LYST: variants seen among roughly 807,000 people sequenced by gnomAD.
LYST encodes lysosomal trafficking regulator.
A neutral mutation model predicts 413.6 loss-of-function variants in LYST; 192 were observed. The observed-to-expected ratio is 0.46, with a 90% CI of 0.41 to 0.52. The LOEUF is 0.52. Ranked by LOEUF, LYST falls within the 20% of genes least tolerant of loss-of-function variation. The pLI is 0.00. For missense variants in LYST, 3,815 were observed against 4,499.9 expected (o/e 0.85, Z 4.35); for synonymous variants, 1,525 against 1,567.3 (o/e 0.97, Z 0.64).
At chr1:235,693,526 G>T (rs778686375) in intron 46 of LYST, 40 bp from the exon 47 acceptor site, 103 of 1,612,562 alleles carry the variant, frequency 6.4e-5, no homozygotes, top group Non-Finnish European at 8.5e-5. Flanking sequence ...GATTGTCACT[G>T]CTCGACTGTT....
At chr1:235,688,751 G>A (rs1316630018) in intron 47 of LYST, among the ~76,000 whole-genome samples, 1 of 151,980 alleles carries the variant, frequency 6.6e-6, no homozygotes, top group African/African-American at 2.4e-5. Context: ...TTGGGAGGCC[G>A]AGGCGGGCGG....
At chr1:235,741,778 T>G in intron 30 of LYST, 150 bp from the exon 31 acceptor site, 1 of 679,386 alleles carries the variant, frequency 1.5e-6, no homozygotes, top group Non-Finnish European at 2.6e-6. Context: ...TACATATCCA[T>G]ACACATAGGA....
chr1:235,738,846 G>A, intron 31 of LYST: 1 of 773,480 alleles, frequency 1.3e-6, no homozygotes, highest in Non-Finnish European at 2.4e-6. Context: ...AATAAAGGAT[G>A]ATGTCTTCCT....
rs1658301899 is a variant in LYST at position 235,664,858 on chromosome 1, G to A, written c.11039-237C>T. ...GTCGCCCAGGCTGGAGTGCAGTGGTGTGATCTTGGCTCACTGTAACTGCCT... is the reference window on the plus strand; with the variant it reads ...GTCGCCCAGGCTGGAGTGCAGTGGTATGATCTTGGCTCACTGTAACTGCCT... On this transcript the variant is annotated intron_variant, in intron 50 of 52. Transcript: ENST00000389793. This position sits in a 1 kb window ranked among gnomAD's most constrained non-coding sequence, Gnocchi z 4.5. Among the ~76,000 whole-genome samples the A allele has an allele frequency of 6.6e-6, 1 of 152,196 alleles. No individual in the cohort carries two copies. The highest frequency in any genetic ancestry group is 6.5e-5 in the Admixed American group (1 of 15,278).
chr1:235,831,530 C>T (rs532009617), intron 2 of LYST, among the ~76,000 whole-genome samples: 5 of 152,172 alleles, frequency 3.3e-5, no homozygotes, highest in South Asian at 2.1e-4. Context: ...AATGAACCAA[C>T]GGGATACAAA....
intron 14 of LYST, among the ~76,000 whole-genome samples, chr1:235,783,226 C>T (rs1457455503): frequency 3.3e-5 from 5 of 151,618 alleles, no homozygotes; most frequent in Non-Finnish European, 5.9e-5. Flanking sequence ...AAAAGTTTTG[C>T]CTAAGGCTCT....
At chr1:235,683,686 G>C (rs979834351) in intron 48 of LYST, among the ~76,000 whole-genome samples, 1 of 152,144 alleles carries the variant, frequency 6.6e-6, no homozygotes, top group East Asian at 1.9e-4. Flanking sequence ...CTTGGTTGGG[G>C]GGCCCATCTT....
At chr1:235,680,995 T>C (rs1213262437) in intron 48 of LYST, among the ~76,000 whole-genome samples, 1 of 152,200 alleles carries the variant, frequency 6.6e-6, no homozygotes, top group Non-Finnish European at 1.5e-5. Flanking sequence ...TCCCCTACTG[T>C]GTGCCTGTCA....
intron 14 of LYST, among the ~76,000 whole-genome samples, chr1:235,783,393 A>G (rs965360302): frequency 1.3e-5 from 2 of 152,108 alleles, no homozygotes; most frequent in Non-Finnish European, 2.9e-5. Flanking sequence ...GACTTAAAAT[A>G]GTTTTAAATT....
chr1:235,741,538 G>A lies in LYST; in HGVS notation c.8242C>T (p.Leu2748=). The part of the protein sequence containing the change: ...ETFRMQLGRL[L]VHILSPAHAA... ...TGGGCTGGCGACAAAATATGCACTA[G>A]TAGTCTCCCAAGCTGCATTCGGAAG... is the stretch of plus-strand genomic sequence containing the variant. The change falls in exon 31 of 53, where the codon CTA becomes TTA. Residue 2748 remains leucine (L), a synonymous_variant. Coordinates refer to ENST00000389793, the MANE Select transcript of LYST (RefSeq NM_000081.4). 1.2e-6 allele frequency: 2 copies of A among 1,613,918 alleles called. No homozygotes were observed. The highest frequency in any genetic ancestry group is 1.7e-6 in the Non-Finnish European group (2 of 1,179,856).
chr1:235,730,217 T>C (rs954546190), intron 36 of LYST, among the ~76,000 whole-genome samples: 13 of 151,998 alleles, frequency 8.6e-5, no homozygotes, highest in Non-Finnish European at 1.9e-4. Context: ...ATGGGTATAA[T>C]AACAACCACA....
At chr1:235,744,195 C>T (rs529847075) in intron 29 of LYST, 38 bp from the exon 30 acceptor site, 1 of 1,089,704 alleles carries the variant, frequency 9.2e-7, no homozygotes, top group Non-Finnish European at 1.4e-6. Flanking sequence ...TTAGTCATAT[C>T]ACTGCTATCT....
chr1:235,672,623 A>C (rs1659036610), intron 50 of LYST, among the ~76,000 whole-genome samples: 1 of 152,208 alleles, frequency 6.6e-6, no homozygotes, highest in Non-Finnish European at 1.5e-5. Context: ...TTAGTTCTTA[A>C]GATCATGTAG....
rs760879892 is a variant in LYST, at chr1:235,664,094, A to G, written c.11196-39T>C. On this transcript the variant is annotated intron_variant, in intron 51 of 52. Coordinates refer to ENST00000389793, the MANE Select transcript of LYST (RefSeq NM_000081.4). This position sits in a 1 kb window ranked among gnomAD's most constrained non-coding sequence, Gnocchi z 4.5. The stretch of plus-strand genomic sequence containing the variant: ...AAATCATCTAATTATGCAAACTAAA[A>G]TTACTCTCCCTAAAAAGCCCTCTAT... The G allele has an allele frequency of 2.1e-6, 3 of 1,434,120 alleles. No individual in the cohort carries two copies. In the Admixed American group the frequency reaches 5.0e-5, roughly 24 times the overall value. The allele number at this position is 1,434,120 out of a possible 1,614,324, so 88.8% of individuals were successfully genotyped here.
intron 38 of LYST, among the ~76,000 whole-genome samples, chr1:235,724,956 T>A (rs997506751): frequency 6.6e-6 from 1 of 152,208 alleles, no homozygotes. Flanking sequence ...TGCATATGCA[T>A]GCATGTATGC....
At chr1:235,733,061 T>C (rs918717485) in intron 34 of LYST, among the ~76,000 whole-genome samples, 4 of 152,186 alleles carry the variant, frequency 2.6e-5, no homozygotes, top group African/African-American at 9.6e-5. Context: ...CATATGGAAT[T>C]TACTTTAGTG....
intron 1 of LYST, among the ~76,000 whole-genome samples, chr1:235,882,436 A>G (rs1477886541): frequency 2.6e-5 from 4 of 152,214 alleles, no homozygotes; most frequent in Admixed American, 1.3e-4. Flanking sequence ...ACTGGAGTCC[A>G]TTAAGCTGGA....
chr1:235,804,696 TA>T, intron 6 of LYST, 31 bp from the exon 7 acceptor site: 1 of 1,270,018 alleles, frequency 7.9e-7, no homozygotes, highest in Non-Finnish European at 1.1e-6. Context: ...CTAAGAATAT[TA>T]ATAACCATTT....
intron 16 of LYST, among the ~76,000 whole-genome samples, chr1:235,779,166 C>A (rs903478455): frequency 2.6e-5 from 4 of 152,128 alleles, no homozygotes; most frequent in African/African-American, 9.7e-5. Flanking sequence ...CGTGCCTGGC[C>A]GAGGGTACCA....
Sources: gnomAD v4.1 joint callset for allele counts (sites outside exome capture counted in the v4.1 genomes callset) on GRCh38, gnomAD v4.1.1 for gene constraint, Gnocchi (gnomAD v3.1) non-coding constraint, MANE v1.5 for transcripts, NCBI Gene and HGNC (gene_info 2026-07-23, HGNC 2026-07-21) for gene names.